The following PARD3B variants were observed in gnomAD, a reference collection of about 807,000 sequenced individuals.
The protein encoded by PARD3B is partitioning defective 3 homolog B.
Under a neutral mutation model 130.2 loss-of-function variants are expected in PARD3B, and 103 were observed. That is an observed-to-expected ratio of 0.79 (90% CI 0.67 to 0.93). PARD3B has a LOEUF of 0.93. Among genes scored for constraint, PARD3B ranks in the 40% least tolerant of loss-of-function variants. The pLI is 0.00. For missense variants in PARD3B, 1,609 were observed against 1,499.2 expected, an observed-to-expected ratio of 1.07 and a Z score of -1.21; for synonymous variants, 583 against 553.2, an observed-to-expected ratio of 1.05 and a Z score of -0.76.
intron 4 of PARD3B, among the ~76,000 whole-genome samples, chr2:205,064,702 G>A (rs1166963511): frequency 6.6e-6 from 1 of 152,126 alleles, no homozygotes; most frequent in African/African-American, 2.4e-5. Flanking sequence ...GTAAGTTCAG[G>A]GAAGAACTCA....
chr2:205,515,211 A>G (rs894386454), intron 21 of PARD3B, among the ~76,000 whole-genome samples: 6 of 152,094 alleles, frequency 3.9e-5, no homozygotes, highest in Non-Finnish European at 8.8e-5. Context: ...TCCATGCTGT[A>G]TATGTGCCAC....
chr2:204,545,955 C>A lies in PARD3B; in HGVS notation c.-45C>A. 6.6e-7 allele frequency: 1 copy of A among 1,513,578 alleles called. No individual in the cohort carries two copies. The highest frequency in any genetic ancestry group is 1.3e-5 in the South Asian group (1 of 79,206). The allele number at this position is 1,513,578 out of a possible 1,614,324, so 93.8% of individuals were successfully genotyped here. A position where few individuals can be genotyped will look rare whatever the true frequency, so the allele number is the denominator to read the frequency against. On this transcript the variant is annotated 5_prime_UTR_variant, in exon 1 of 23. Coordinates refer to ENST00000406610, the MANE Select transcript of PARD3B (RefSeq NM_001302769.2). ...AGAGTGGGGGCTGCGCCCGCGGGGT[C>A]AGACACCTGTTCGGCCCGGCCCGGC... is the stretch of plus-strand genomic sequence containing the variant.
intron 4 of PARD3B, among the ~76,000 whole-genome samples, chr2:205,089,431 C>T (rs920586008): frequency 2.0e-5 from 3 of 152,006 alleles, no homozygotes; most frequent in African/African-American, 2.4e-5. Flanking sequence ...TTGGCCTCCC[C>T]GACTCTCTTT....
At chr2:204,709,285 G>A (rs531184495) in intron 2 of PARD3B, among the ~76,000 whole-genome samples, 1 of 152,198 alleles carries the variant, frequency 6.6e-6, no homozygotes, top group East Asian at 1.9e-4. Flanking sequence ...AACATTCTCC[G>A]CATGATGCAG....
chr2:204,553,484 C>T (rs902923185), intron 1 of PARD3B, among the ~76,000 whole-genome samples: 6 of 149,908 alleles, frequency 4.0e-5, no homozygotes, highest in Non-Finnish European at 7.4e-5. Flanking sequence ...ACTGCAAAAG[C>T]GTGGAACCAA....
At chr2:205,567,166 A>G in intron 22 of PARD3B, among the ~76,000 whole-genome samples, 1 of 152,292 alleles carries the variant, frequency 6.6e-6, no homozygotes, top group South Asian at 2.1e-4. Flanking sequence ...ATCAGTGTGT[A>G]TATTTAATAA....
In PARD3B at chr2:205,011,458, C is replaced by T. The variant is rs1695708290; in HGVS notation, c.395-36123C>T. ...GACTCGAGAGAGAAATTAAGAGGGG[C>T]ATGCTCTAAAGACAGAAGTGCAGTT... is the stretch of plus-strand genomic sequence containing the variant. On this transcript the variant is annotated intron_variant, in intron 3 of 22. Coordinates refer to ENST00000406610, the MANE Select transcript of PARD3B (RefSeq NM_001302769.2). The surrounding 1 kb of genome is among the most constrained non-coding windows in gnomAD (Gnocchi z 4.1). 6.6e-6 allele frequency among the ~76,000 whole-genome samples: 1 copy of T among 152,150 alleles called. No individual in the cohort carries two copies. The highest frequency in any genetic ancestry group is 2.4e-5 in the African/African-American group (1 of 41,434).
Position 204,690,847 on chromosome 2 carries a change from C to G in PARD3B, c.222+4565C>G, listed in dbSNP as rs142741196. Among the ~76,000 whole-genome samples the G allele has an allele frequency of 2.0e-3, 305 of 152,222 alleles. 1 individual carries two copies. The highest frequency in any genetic ancestry group is 7.0e-3 in the African/African-American group (292 of 41,530). ...TTTCATATTGACTGGGCATTGAGAT[C>G]CTGCAGGATGAGATAAATGCTTTGT... On this transcript the variant is annotated intron_variant, in intron 2 of 22. Transcript: ENST00000406610.
chr2:205,593,735 G>A (rs2054473148), intron 22 of PARD3B, among the ~76,000 whole-genome samples: 1 of 152,192 alleles, frequency 6.6e-6, no homozygotes, highest in African/African-American at 2.4e-5. Flanking sequence ...GTGGCGAGAG[G>A]TGGGGTAGAA....
chr2:204,812,589 C>T (rs773123186), intron 2 of PARD3B, among the ~76,000 whole-genome samples: 12 of 152,126 alleles, frequency 7.9e-5, no homozygotes, highest in Non-Finnish European at 1.5e-4. Flanking sequence ...CCTGCCAGCA[C>T]TTGGGAGGGG....
intron 18 of PARD3B, among the ~76,000 whole-genome samples, chr2:205,304,079 C>T (rs749017779): frequency 1.2e-4 from 19 of 152,264 alleles, no homozygotes; most frequent in Admixed American, 2.6e-4. Context: ...TGATCATCAG[C>T]TGAAATTTCT....
intron 3 of PARD3B, among the ~76,000 whole-genome samples, chr2:205,041,421 T>C (rs1018987941): frequency 3.9e-5 from 6 of 152,170 alleles, no homozygotes; most frequent in Non-Finnish European, 7.3e-5. Context: ...TAGGTGTCTG[T>C]TTTATGCTCC....
At chr2:204,757,187 TG>T (rs1275504148) in intron 2 of PARD3B, among the ~76,000 whole-genome samples, 3 of 152,194 alleles carry the variant, frequency 2.0e-5, no homozygotes, top group African/African-American at 7.2e-5. Context: ...GTTGATTCTA[TG>T]TCTTTGCTGT....
At chr2:204,618,935 A>G (rs1383899486) in intron 1 of PARD3B, among the ~76,000 whole-genome samples, 4 of 152,184 alleles carry the variant, frequency 2.6e-5, no homozygotes, top group African/African-American at 9.6e-5. Flanking sequence ...GTTACATAAT[A>G]AATATTTTCC....
chr2:205,498,979 G>A (rs1333453560), intron 20 of PARD3B, among the ~76,000 whole-genome samples: 3 of 152,160 alleles, frequency 2.0e-5, no homozygotes, highest in Non-Finnish European at 4.4e-5. Context: ...TGCAGGTAAG[G>A]ACTGTGAAGT....
intron 18 of PARD3B, among the ~76,000 whole-genome samples, chr2:205,310,251 A>G (rs2042332752): frequency 6.6e-6 from 1 of 151,472 alleles, no homozygotes; most frequent in African/African-American, 2.4e-5. Flanking sequence ...CGCCCAGCTA[A>G]TTTTTTGTAT....
chr2:204,899,468 T>C (rs2046779704), intron 2 of PARD3B, among the ~76,000 whole-genome samples: 2 of 152,188 alleles, frequency 1.3e-5, no homozygotes, highest in Admixed American at 1.3e-4. Context: ...AGCTTACCAC[T>C]GATTGCGTAA....
rs1288011821 is a variant in PARD3B, at chr2:205,280,210, C to T, written c.2186-20320C>T. Among the ~76,000 whole-genome samples, 1 of 152,070 alleles carries T rather than the reference C, an allele frequency of 6.6e-6. No individual in the cohort carries two copies. The highest frequency in any genetic ancestry group is 1.9e-4 in the East Asian group (1 of 5,194). ...AAATAACAGTCACTACTCCTTTTTC[C>T]CGTGCATGAACTTTGGAACAGAAAA... On this transcript the variant is annotated intron_variant, in intron 16 of 22. Transcript: ENST00000406610. This position sits in a 1 kb window ranked among gnomAD's most constrained non-coding sequence, Gnocchi z 4.7.
intron 1 of PARD3B, among the ~76,000 whole-genome samples, chr2:204,584,882 C>T (rs1434917988): frequency 6.6e-6 from 1 of 152,138 alleles, no homozygotes. Flanking sequence ...ACAGGTGATG[C>T]AAGAGTTGAA....
Sources: allele counts gnomAD v4.1 joint callset (sites outside exome capture counted in the v4.1 genomes callset), GRCh38; gene constraint gnomAD v4.1.1; non-coding constraint Gnocchi (gnomAD v3.1); transcripts MANE v1.5; gene names NCBI Gene and HGNC (gene_info 2026-07-23, HGNC 2026-07-21).